The following ATCAY variants were observed in gnomAD, a reference collection of about 807,000 sequenced individuals.
ATCAY encodes the protein ATCAY kinesin light chain interacting caytaxin.
In ATCAY, 22 loss-of-function variants were observed where a neutral mutation model predicts 47.7. The observed-to-expected ratio is 0.46, with a 90% CI of 0.33 to 0.66. The LOEUF is 0.66. Ranked by LOEUF, ATCAY falls within the 30% of genes least tolerant of loss-of-function variation. The pLI is 0.02. For missense variants in ATCAY, 452 were observed against 515.0 expected (o/e 0.88, Z 1.18); for synonymous variants, 216 against 207.6 (o/e 1.04, Z -0.35).
At position 3,917,749 on chromosome 19, in the gene ATCAY, G is replaced by C; in HGVS notation, c.973G>C (p.Glu325Gln). 6.2e-7 allele frequency: 1 copy of C among 1,613,572 alleles called. No homozygotes were observed. The highest frequency in any genetic ancestry group is 1.1e-5 in the South Asian group (1 of 91,062). The stretch of plus-strand genomic sequence containing the variant: ...TCTTTTTCTTTCTTTCAGATACGAA[G>C]AGGAAAGACTGAAGGCCAGGAGGGA... Reference protein sequence around the residue: ...QIPDCVLQYEEERLKARRESA... With the variant: ...QIPDCVLQYEQERLKARRESA... The change falls in exon 10 of 13, where the codon GAG (glutamate) becomes CAG (glutamine). Residue 325 changes from glutamate (E) to glutamine (Q), a missense_variant. Transcript: ENST00000450849.
rs948499609 is a variant in ATCAY, at chr19:3,903,585, G to C, written c.136+1040G>C. Among the ~76,000 whole-genome samples, 26 of 151,224 alleles carry C rather than the reference G, an allele frequency of 1.7e-4. 1 individual carries two copies. Among genetic ancestry groups the C allele is most frequent in the Middle Eastern group, 3.3e-3 (1 of 306 alleles). On this transcript the variant is annotated intron_variant, in intron 3 of 12. Coordinates refer to ENST00000450849, the MANE Select transcript of ATCAY (RefSeq NM_033064.5). ...ATCGCCCAGGCTGGAGTGCAGTAGC[G>C]TGATCATGGCTCACTGCAGCCTCAA...
At chr19:3,898,171 C>T (rs2038785658) in intron 2 of ATCAY, among the ~76,000 whole-genome samples, 1 of 151,916 alleles carries the variant, frequency 6.6e-6, no homozygotes, top group South Asian at 2.1e-4. Flanking sequence ...GTGTTCTAAA[C>T]ATCTCTTTTT....
At chr19:3,888,435 G>A (rs1223887246) in intron 2 of ATCAY, among the ~76,000 whole-genome samples, 4 of 152,030 alleles carry the variant, frequency 2.6e-5, no homozygotes, top group Non-Finnish European at 4.4e-5. Flanking sequence ...TTCGAGGCCA[G>A]CCTGGACAAC....
At chr19:3,889,338 G>A (rs1163908127) in intron 2 of ATCAY, among the ~76,000 whole-genome samples, 1 of 152,166 alleles carries the variant, frequency 6.6e-6, no homozygotes, top group African/African-American at 2.4e-5. Flanking sequence ...GCTTGAACGC[G>A]GGAGGCGGAG....
At position 3,905,568 on chromosome 19, in the gene ATCAY, C is replaced by G; in HGVS notation, c.271C>G (p.Leu91Val). The G allele has an allele frequency of 6.2e-7, 1 of 1,613,862 alleles. No homozygotes were observed. The highest frequency in any genetic ancestry group is 8.5e-7 in the Non-Finnish European group (1 of 1,179,870). The change falls in exon 4 of 13, where the codon CTG (leucine) becomes GTG (valine). Residue 91 changes from leucine (L) to valine (V), a missense_variant. Physicochemically the swap from Leu to Val is conservative, Grantham distance 32. Transcript: ENST00000450849. ...SDDFLDTPDD[L>V]DINVDDIETP... ...TGACTTCTTGGATACCCCTGATGACCTGGATATTAACGTGGATGACATCGA... is the reference window on the plus strand; with the variant it reads ...TGACTTCTTGGATACCCCTGATGACGTGGATATTAACGTGGATGACATCGA...
chr19:3,920,915 C>T, intron 12 of ATCAY, 117 bp downstream of exon 12: 1 of 1,263,040 alleles, frequency 7.9e-7, no homozygotes, highest in Non-Finnish European at 1.1e-6. Flanking sequence ...AAATATAAAG[C>T]AGGCAGGGAT....
At position 3,907,059 on chromosome 19, in the gene ATCAY, T is replaced by C. The variant is rs1332146639; in HGVS notation, c.359-675T>C. On this transcript the variant is annotated intron_variant, in intron 4 of 12. Transcript: ENST00000450849. This position sits in a 1 kb window ranked among gnomAD's most constrained non-coding sequence, Gnocchi z 5.1. ...TGAGGCAGGAGAATCGCTTGAACTC[T>C]GGAGGCAGAGGCTGCAGTGAGCAGA... Among the ~76,000 whole-genome samples the C allele has an allele frequency of 1.3e-5, 2 of 150,162 alleles. No homozygotes were observed. The highest frequency in any genetic ancestry group is 3.0e-5 in the Non-Finnish European group (2 of 67,736).
intron 9 of ATCAY, among the ~76,000 whole-genome samples, chr19:3,914,219 G>A (rs1301140507): frequency 1.1e-5 from 1 of 94,174 alleles, no homozygotes; most frequent in African/African-American, 6.1e-5. Context: ...CTGGGCCACA[G>A]AGCGAGACTC....
At chr19:3,900,801 G>A (rs1262516482) in intron 2 of ATCAY, among the ~76,000 whole-genome samples, 1 of 151,800 alleles carries the variant, frequency 6.6e-6, no homozygotes, top group Non-Finnish European at 1.5e-5. Context: ...CTCCCAAAGT[G>A]CTGGGATTAC....
At position 3,920,957 on chromosome 19, in the gene ATCAY, T is replaced by C. The variant is rs370017018; in HGVS notation, c.1106+159T>C. On this transcript the variant is annotated intron_variant, in intron 12 of 12. Coordinates refer to ENST00000450849, the MANE Select transcript of ATCAY (RefSeq NM_033064.5). ...CCCAGGAAAACTGCCCCATGACTTA[T>C]CGGGAGTGGGGGATACGGCACCGGG... is the stretch of plus-strand genomic sequence containing the variant. 54 of 850,382 alleles carry C rather than the reference T, an allele frequency of 6.4e-5. No homozygotes were observed. The African/African-American group carries it at 8.0e-4, about 13-fold the overall frequency. 52.7% of individuals were successfully genotyped at this position (850,382 alleles called of 1,614,324 possible). A position where few individuals can be genotyped will look rare whatever the true frequency, so the allele number is the denominator to read the frequency against.
chr19:3,915,757 G>T (rs1271941535), intron 9 of ATCAY, among the ~76,000 whole-genome samples: 5 of 113,668 alleles, frequency 4.4e-5, no homozygotes, highest in Non-Finnish European at 7.0e-5. Context: ...TTTAACTCTT[G>T]TTGCCCAGGC....
In ATCAY at chr19:3,924,790, A is replaced by G. The variant is rs1376022602; in HGVS notation, c.*198A>G. 5 of 591,396 alleles carry G rather than the reference A, an allele frequency of 8.5e-6. No homozygotes were observed. The highest frequency in any genetic ancestry group is 7.6e-5 in the African/African-American group (4 of 52,476). The allele number at this position is 591,396 out of a possible 1,614,324, so 36.6% of individuals were successfully genotyped here. A position where few individuals can be genotyped will look rare whatever the true frequency, so the allele number is the denominator to read the frequency against. On this transcript the variant is annotated 3_prime_UTR_variant, in exon 13 of 13. Coordinates refer to ENST00000450849, the MANE Select transcript of ATCAY (RefSeq NM_033064.5). ...AACATTGTATTTTTTTTTTTTAACG[A>G]TGCAGTATTTGTGCGTTCCAGAAAA... is the stretch of plus-strand genomic sequence containing the variant.
At chr19:3,903,982 C>CAAAAAAAAAAA (rs59631453) in intron 3 of ATCAY, among the ~76,000 whole-genome samples, 2 of 79,060 alleles carry the variant, frequency 2.5e-5, no homozygotes, top group African/African-American at 7.3e-5. Context: ...ACTAAAGATA[C>CAAAAAAAAAAA]AAAAAAAAAA....
intron 2 of ATCAY, among the ~76,000 whole-genome samples, chr19:3,886,928 A>G (rs912644618): frequency 5.9e-5 from 9 of 151,762 alleles, no homozygotes; most frequent in African/African-American, 2.2e-4. Flanking sequence ...TGGCCAGGCC[A>G]GTCTCGAACT....
chr19:3,882,774 G>T (rs2038613338), intron 1 of ATCAY, among the ~76,000 whole-genome samples: 1 of 151,882 alleles, frequency 6.6e-6, no homozygotes, highest in Non-Finnish European at 1.5e-5. Context: ...CTCCTGAACA[G>T]CTGTGACTTC....
intron 11 of ATCAY, 166 bp from the exon 12 acceptor site, chr19:3,920,600 C>A: frequency 2.7e-6 from 1 of 366,038 alleles, no homozygotes; most frequent in Non-Finnish European, 4.4e-6. Flanking sequence ...ACCTCAGCCT[C>A]CCAAAGTGCT....
At chr19:3,895,048 A>C in intron 2 of ATCAY, 1 of 423,294 alleles carries the variant, frequency 2.4e-6, no homozygotes. Flanking sequence ...TATTTCATTC[A>C]TTTTCTTTGC....
At chr19:3,923,542 GTGGATGGATGGATGGATAAATGGA>G (rs1568454909) in intron 12 of ATCAY, among the ~76,000 whole-genome samples, 1 of 151,694 alleles carries the variant, frequency 6.6e-6, no homozygotes, top group African/African-American at 2.4e-5. Context: ...TGGATGATAG[GTGGATGGATGGATGGATAAATGGA>G]TGGATGGATG....
intron 3 of ATCAY, 142 bp from the exon 4 acceptor site, chr19:3,905,292 C>G: frequency 1.3e-6 from 1 of 799,292 alleles, no homozygotes; most frequent in Admixed American, 2.9e-5. Flanking sequence ...TGCCCACCCC[C>G]GCCAATGGCA....
Sources: gnomAD v4.1 joint callset for allele counts (sites outside exome capture counted in the v4.1 genomes callset) on GRCh38, gnomAD v4.1.1 for gene constraint, Gnocchi (gnomAD v3.1) non-coding constraint, MANE v1.5 for transcripts, NCBI Gene and HGNC (gene_info 2026-07-23, HGNC 2026-07-21) for gene names.